GGA3: variants seen among roughly 807,000 people sequenced by gnomAD.
GGA3 encodes golgi associated, gamma adaptin ear containing, ARF binding protein 3, also known as ADP-ribosylation factor-binding protein GGA3.
A neutral mutation model predicts 77.5 loss-of-function variants in GGA3; 57 were observed. The ratio of observed to expected loss-of-function variants is 0.74; its 90% CI spans 0.59 to 0.92. GGA3 has a LOEUF of 0.92. Ranked by LOEUF, GGA3 falls within the 40% of genes least tolerant of loss-of-function variation. The pLI is 0.00. For synonymous variants in GGA3, 416 were observed against 383.7 expected (o/e 1.08, Z -0.98); for missense variants, 970 against 914.9 (o/e 1.06, Z -0.78).
chr17:75,249,759 A>G (rs927100216), intron 1 of GGA3, among the ~76,000 whole-genome samples: 1 of 152,172 alleles, frequency 6.6e-6, no homozygotes, highest in African/African-American at 2.4e-5. Context: ...TTGCACGGGG[A>G]AAAGCATCTT....
At chr17:75,248,920 G>T in intron 1 of GGA3, 1 of 985,110 alleles carries the variant, frequency 1.0e-6, no homozygotes, top group Non-Finnish European at 1.2e-6. Flanking sequence ...AGCGACAGCT[G>T]CCAGGCAGAG....
chr17:75,248,930 G>A, intron 1 of GGA3: 1 of 985,364 alleles, frequency 1.0e-6, no homozygotes. Context: ...GCCAGGCAGA[G>A]GGAAGGCCCG....
At chr17:75,259,534 A>G (rs2077272840) in intron 1 of GGA3, among the ~76,000 whole-genome samples, 1 of 152,196 alleles carries the variant, frequency 6.6e-6, no homozygotes, top group Non-Finnish European at 1.5e-5. Flanking sequence ...TAGAAGCCAC[A>G]GAGAAAAAGG....
In GGA3 at chr17:75,238,772, GAGA is replaced by G. The variant is rs1568108942; in HGVS notation, c.1951-13_1951-11del. ...ACTTCACTTTCATTGACTAAAGAGAGAGAAACTCCTTTGAAGAGAACTGGTAGG... is the reference window on the plus strand; with the variant it reads ...ACTTCACTTTCATTGACTAAAGAGAGAACTCCTTTGAAGAGAACTGGTAGG... On this transcript the variant is annotated splice_polypyrimidine_tract_variant and intron_variant, in intron 15 of 16. Transcript: ENST00000537686. The G allele has an allele frequency of 6.2e-7, 1 of 1,604,696 alleles. No homozygotes were observed. The highest frequency in any genetic ancestry group is 8.5e-7 in the Non-Finnish European group (1 of 1,172,416).
In GGA3 at chr17:75,240,031, G is replaced by C. The variant is rs1354251162; in HGVS notation, c.1341C>G (p.Leu447=). ...AACGASDAPL[L]QPSAPSSSSS... is the part of the protein sequence containing the mutation. ...TGCTTGAGGAGGGGGCTGAGGGCTG[G>C]AGCAGAGGAGCATCGGAGGCGCCAC... The change falls in exon 13 of 17, where the codon CTC becomes CTG. Residue 447 remains leucine (L), a synonymous_variant. Transcript: ENST00000537686. 1 of 1,552,174 alleles carries C rather than the reference G, an allele frequency of 6.4e-7. No individual in the cohort carries two copies. The highest frequency in any genetic ancestry group is 8.7e-7 in the Non-Finnish European group (1 of 1,148,410).
At chr17:75,240,207 C>G in intron 12 of GGA3, 99 bp from the exon 13 acceptor site, 1 of 1,188,122 alleles carries the variant, frequency 8.4e-7, no homozygotes, top group South Asian at 1.4e-5. Flanking sequence ...AAGACAGCCC[C>G]GGAGGCACTC....
intron 1 of GGA3, among the ~76,000 whole-genome samples, chr17:75,252,754 G>A (rs1417346277): frequency 6.6e-6 from 1 of 152,152 alleles, no homozygotes; most frequent in Non-Finnish European, 1.5e-5. Flanking sequence ...CCAGCATTGT[G>A]ATTTGTTTCT....
At position 75,251,340 on chromosome 17, in the gene GGA3, A is replaced by G. The variant is rs200995406; in HGVS notation, c.41-4544T>C. Among the ~76,000 whole-genome samples, 3 of 13,488 alleles carry G rather than the reference A, an allele frequency of 2.2e-4. No individual in the cohort carries two copies. In the Admixed American group the frequency reaches 3.3e-3, roughly 15 times the overall value. The allele number at this position is 13,488 out of a possible 152,430, so 8.8% of individuals were successfully genotyped here. On this transcript the variant is annotated intron_variant, in intron 1 of 16. Coordinates refer to ENST00000537686, the MANE Select transcript of GGA3 (RefSeq NM_138619.4). ...CTGTGCTCTCCTGGTTCAATACATG[A>G]AAAAAAAAAAAAATCAGTTCAAAAA...
At chr17:75,243,232 C>G (rs140342485) in intron 5 of GGA3, 66 bp from the exon 6 acceptor site, 1 of 1,259,908 alleles carries the variant, frequency 7.9e-7, no homozygotes, top group Non-Finnish European at 1.1e-6. Context: ...CCTCATACAC[C>G]AAGGGCCACG....
Position 75,237,411 on chromosome 17 carries a change from A to G in GGA3, c.*868T>C, listed in dbSNP as rs1323257872. The G allele has an allele frequency of 7.5e-7, 1 of 1,333,842 alleles. No individual in the cohort carries two copies. The highest frequency in any genetic ancestry group is 1.2e-5 in the South Asian group (1 of 80,054). 82.6% of individuals were successfully genotyped at this position (1,333,842 alleles called of 1,614,324 possible). On this transcript the variant is annotated 3_prime_UTR_variant, in exon 17 of 17. Transcript: ENST00000537686. Reference sequence around the variant, plus strand: ...GGGAGGCCAAAGCAGTAGGATGTAGAGTGGCGGTAGATTCCAAGGGGAGGA... The same window carrying G: ...GGGAGGCCAAAGCAGTAGGATGTAGGGTGGCGGTAGATTCCAAGGGGAGGA...
chr17:75,246,477 C>T (rs1353300612), intron 3 of GGA3, 32 bp downstream of exon 3: 13 of 1,418,456 alleles, frequency 9.2e-6, no homozygotes, highest in Admixed American at 1.7e-5. Flanking sequence ...TGAAGGGCTG[C>T]GGTTTCCACC....
At chr17:75,257,288 CCA>C (rs1491232483) in intron 1 of GGA3, among the ~76,000 whole-genome samples, 3 of 133,364 alleles carry the variant, frequency 2.2e-5, no homozygotes, top group African/African-American at 7.8e-5. Context: ...GCCCCCCCCC[CCA>C]AAAAAAACCT....
chr17:75,253,953 A>T (rs2145580978), intron 1 of GGA3, among the ~76,000 whole-genome samples: 1 of 152,304 alleles, frequency 6.6e-6, no homozygotes, highest in East Asian at 1.9e-4. Context: ...TACAAACTTG[A>T]CAATGGCTCT....
chr17:75,253,223 T>A (rs2077031755), intron 1 of GGA3, among the ~76,000 whole-genome samples: 1 of 152,206 alleles, frequency 6.6e-6, no homozygotes, highest in Non-Finnish European at 1.5e-5. Flanking sequence ...TCTTACTCTC[T>A]TCTCCAACCT....
chr17:75,245,373 C>A (rs2076718279), intron 3 of GGA3, among the ~76,000 whole-genome samples: 1 of 152,182 alleles, frequency 6.6e-6, no homozygotes, highest in African/African-American at 2.4e-5. Flanking sequence ...GGGGGCCACT[C>A]TGCACTTTAT....
intron 5 of GGA3, 33 bp from the exon 6 acceptor site, chr17:75,243,199 G>T (rs765132939): frequency 6.7e-7 from 1 of 1,494,054 alleles, no homozygotes; most frequent in Admixed American, 1.9e-5. Flanking sequence ...GTGCACTCAG[G>T]CTGTGGTTGC....
chr17:75,244,572 G>T (rs778430638), intron 4 of GGA3, 47 bp downstream of exon 4: 8 of 1,134,358 alleles, frequency 7.1e-6, no homozygotes, highest in East Asian at 2.3e-5. Flanking sequence ...AGATGGGAAT[G>T]AACACAAAAG....
chr17:75,248,731 A>G (rs1411664931), intron 1 of GGA3: 13 of 430,978 alleles, frequency 3.0e-5, no homozygotes, highest in Non-Finnish European at 3.4e-5. Context: ...GGTTGCCTTG[A>G]GCCGAGATCG....
chr17:75,261,413 C>T, intron 1 of GGA3, 135 bp downstream of exon 1: 2 of 598,648 alleles, frequency 3.3e-6, no homozygotes, highest in Non-Finnish European at 5.1e-6. Flanking sequence ...TGATCGCAGG[C>T]TGCTCGCGGC....
Sources: gnomAD v4.1 joint callset for allele counts (sites outside exome capture counted in the v4.1 genomes callset) on GRCh38, gnomAD v4.1.1 for gene constraint, MANE v1.5 for transcripts, NCBI Gene and HGNC (gene_info 2026-07-23, HGNC 2026-07-21) for gene names.